The following MS4A15 variants were observed in gnomAD, a reference collection of about 807,000 sequenced individuals.
The protein encoded by MS4A15 is membrane spanning 4-domains A15, also known as membrane-spanning 4-domains subfamily A member 15.
Under a neutral mutation model 20.6 loss-of-function variants are expected in MS4A15, and 22 were observed. That is an observed-to-expected ratio of 1.07 (90% CI 0.76 to 1.52). The LOEUF is 1.52. Among genes scored for constraint, MS4A15 ranks in the 40% most tolerant of loss-of-function variants. MS4A15 has a pLI of 0.00. For synonymous variants in MS4A15, 129 were observed against 129.3 expected, an observed-to-expected ratio of 1.00 and a Z score of 0.02; for missense variants, 312 against 323.0, an observed-to-expected ratio of 0.97 and a Z score of 0.26.
At chr11:60,767,989 T>C (rs1354825802) in intron 3 of MS4A15, among the ~76,000 whole-genome samples, 1 of 151,742 alleles carries the variant, frequency 6.6e-6, no homozygotes, top group Non-Finnish European at 1.5e-5. Flanking sequence ...GGTCAGGAGT[T>C]GGAGACCAGC....
chr11:60,758,774 A>G (rs1030956084), intron 1 of MS4A15, among the ~76,000 whole-genome samples: 1 of 152,210 alleles, frequency 6.6e-6, no homozygotes, highest in Non-Finnish European at 1.5e-5. Context: ...TTAAATTTGT[A>G]TCTATTGTTG....
chr11:60,761,185 G>C (rs1159134090), intron 1 of MS4A15, among the ~76,000 whole-genome samples: 2 of 152,128 alleles, frequency 1.3e-5, no homozygotes, highest in Non-Finnish European at 2.9e-5. Flanking sequence ...CCCTTCAGTG[G>C]AAAATTTGGG....
At chr11:60,771,458 G>C (rs749340408) in intron 4 of MS4A15, 111 bp downstream of exon 4, 1 of 1,558,618 alleles carries the variant, frequency 6.4e-7, no homozygotes, top group East Asian at 2.4e-5. Flanking sequence ...AGCACTTCAG[G>C]GGACCTGCAA....
Position 60,773,885 on chromosome 11 carries a change from G to A in MS4A15, c.547G>A (p.Glu183Lys). 6.2e-7 allele frequency: 1 copy of A among 1,614,196 alleles called. No individual in the cohort carries two copies. The highest frequency in any genetic ancestry group is 8.5e-7 in the Non-Finnish European group (1 of 1,180,046). Reference protein sequence around the residue: ...LAVLTIFTVLEFFTAVIAMHF... With the variant: ...LAVLTIFTVLKFFTAVIAMHF... Reference sequence around the variant, plus strand: ...CGTGCTTACTATCTTCACTGTCCTGGAGTTCTTCACAGCGGTCATTGCCAT... The same window carrying A: ...CGTGCTTACTATCTTCACTGTCCTGAAGTTCTTCACAGCGGTCATTGCCAT... Residue 183 changes from glutamate (E) to lysine (K), a missense_variant, in exon 6 of 7, where the codon GAG becomes AAG. Transcript: ENST00000405633.
chr11:60,767,707 A>C, intron 3 of MS4A15, 52 bp downstream of exon 3: 1 of 1,475,870 alleles, frequency 6.8e-7, no homozygotes, highest in Non-Finnish European at 9.0e-7. Flanking sequence ...GCCCAGGCTC[A>C]CCTCTCCCCC....
chr11:60,771,371 G>A (rs1159475328), intron 4 of MS4A15, 24 bp downstream of exon 4: 1 of 1,613,908 alleles, frequency 6.2e-7, no homozygotes, highest in East Asian at 2.2e-5. Flanking sequence ...GGGGGACCCA[G>A]GGGCGGGGAT....
At chr11:60,771,245 C>T in intron 3 of MS4A15, 46 bp from the exon 4 acceptor site, 1 of 1,609,074 alleles carries the variant, frequency 6.2e-7, no homozygotes, top group Non-Finnish European at 8.5e-7. Flanking sequence ...TCTGCCCTGC[C>T]CAGGGTCCTG....
chr11:60,773,065 G>A (rs959679173), intron 4 of MS4A15, among the ~76,000 whole-genome samples: 1 of 152,232 alleles, frequency 6.6e-6, no homozygotes, highest in Admixed American at 6.5e-5. Context: ...GGGCCTGGGG[G>A]AGAGGGAGCC....
rs973745466 is a variant in MS4A15, at chr11:60,763,802, C to T, written c.69C>T (p.Cys23=). ...CGCCAAACAACGCCAGTGGCCTCTG[C>T]CCACCTCCGGCCATTCTGCCCACAT... The part of the protein sequence containing the change: ...VIPPNNASGL[C]PPPAILPTSM... Residue 23 remains cysteine, a synonymous_variant, in exon 2 of 7, where the codon TGC becomes TGT. Transcript: ENST00000405633. 6.2e-7 allele frequency: 1 copy of T among 1,612,332 alleles called. No homozygotes were observed. The highest frequency in any genetic ancestry group is 8.5e-7 in the Non-Finnish European group (1 of 1,179,804).
At chr11:60,764,006 A>G (rs774719062) in intron 2 of MS4A15, 48 bp downstream of exon 2, 2 of 1,515,234 alleles carry the variant, frequency 1.3e-6, no homozygotes, top group Non-Finnish European at 1.8e-6. Context: ...TGAGTATCCC[A>G]GCACCGGAAC....
chr11:60,775,033 G>A (rs750494512), intron 6 of MS4A15, among the ~76,000 whole-genome samples: 2 of 152,188 alleles, frequency 1.3e-5, no homozygotes, highest in Non-Finnish European at 1.5e-5. Flanking sequence ...AAGAACAGCA[G>A]AGCCGGACGT....
chr11:60,763,302 G>C (rs1331706796), intron 1 of MS4A15, among the ~76,000 whole-genome samples: 2 of 152,184 alleles, frequency 1.3e-5, no homozygotes, highest in Non-Finnish European at 2.9e-5. Flanking sequence ...GGAAGTGGCA[G>C]TGAGTCCTGG....
At chr11:60,759,837 C>T (rs995182167) in intron 1 of MS4A15, among the ~76,000 whole-genome samples, 8 of 152,164 alleles carry the variant, frequency 5.3e-5, no homozygotes, top group African/African-American at 1.9e-4. Context: ...TTCCCTTACT[C>T]ACATGTTTTC....
At chr11:60,772,838 C>T (rs1443234404) in intron 4 of MS4A15, among the ~76,000 whole-genome samples, 1 of 152,198 alleles carries the variant, frequency 6.6e-6, no homozygotes, top group East Asian at 1.9e-4. Context: ...CCTCTCAGCC[C>T]ACCCAGACTT....
intron 5 of MS4A15, 147 bp from the exon 6 acceptor site, chr11:60,773,689 GA>G: frequency 1.3e-6 from 1 of 788,634 alleles, no homozygotes; most frequent in Non-Finnish European, 2.2e-6. Flanking sequence ...GGGTGAAGGG[GA>G]GGGTGCAGGA....
At chr11:60,764,053 A>C in intron 2 of MS4A15, 95 bp downstream of exon 2, 1 of 1,137,216 alleles carries the variant, frequency 8.8e-7, no homozygotes, top group South Asian at 1.5e-5. Flanking sequence ...AAGGCAGTTA[A>C]CAAATATGTA....
intron 2 of MS4A15, among the ~76,000 whole-genome samples, chr11:60,766,746 T>A (rs984587740): frequency 6.6e-6 from 1 of 152,216 alleles, no homozygotes; most frequent in African/African-American, 2.4e-5. Context: ...GATGCTGACA[T>A]GACAATTCTA....
At chr11:60,757,762 A>G (rs1565066860) in intron 1 of MS4A15, among the ~76,000 whole-genome samples, 1 of 152,130 alleles carries the variant, frequency 6.6e-6, no homozygotes, top group African/African-American at 2.4e-5. Context: ...GTGAATATCT[A>G]TATGATCGGG....
chr11:60,759,931 A>C (rs1853692469), intron 1 of MS4A15, among the ~76,000 whole-genome samples: 1 of 152,078 alleles, frequency 6.6e-6, no homozygotes, highest in Non-Finnish European at 1.5e-5. Flanking sequence ...AATAGTAATC[A>C]ATAAACCCTG....
Sources: gnomAD v4.1 joint callset for allele counts (sites outside exome capture counted in the v4.1 genomes callset) on GRCh38, gnomAD v4.1.1 for gene constraint, MANE v1.5 for transcripts, NCBI Gene and HGNC (gene_info 2026-07-23, HGNC 2026-07-21) for gene names.